The following ANKRD6 variants were observed in gnomAD, a reference collection of about 807,000 sequenced individuals.
ANKRD6 encodes ankyrin repeat domain-containing protein 6.
ANKRD6 carries 56 observed loss-of-function variants against 82.3 expected under a neutral mutation model. The observed-to-expected ratio is 0.68, with a 90% CI of 0.55 to 0.85. The LOEUF is 0.85. Among genes scored for constraint, ANKRD6 ranks in the 40% least tolerant of loss-of-function variants. ANKRD6 has a pLI of 0.00. For missense variants in ANKRD6, 852 were observed against 907.6 expected (o/e 0.94, Z 0.79); for synonymous variants, 347 against 352.1 (o/e 0.99, Z 0.16).
In ANKRD6 at chr6:89,613,877, A is replaced by G. The variant is rs1800842303; in HGVS notation, c.602A>G (p.His201Arg). ...RLLLTAFCSV[H>R]EKNQAGDTAL... is the part of the protein sequence containing the mutation. ...CTCCTCACTGCTTTCTGTTCTGTCC[A>G]TGAAAAGAACCAGGTCAGTGCATGT... Residue 201 changes from histidine to arginine, a missense_variant, in exon 7 of 16, where the codon CAT (histidine) becomes CGT (arginine). Coordinates refer to ENST00000339746, the MANE Select transcript of ANKRD6 (RefSeq NM_001242809.2). 3 of 1,613,962 alleles carry G rather than the reference A, an allele frequency of 1.9e-6. No individual in the cohort carries two copies. The highest frequency in any genetic ancestry group is 2.5e-6 in the Non-Finnish European group (3 of 1,179,862).
At chr6:89,479,747 T>A (rs1276806327) in intron 1 of ANKRD6, among the ~76,000 whole-genome samples, 1 of 151,942 alleles carries the variant, frequency 6.6e-6, no homozygotes, top group African/African-American at 2.4e-5. Context: ...ACATTAGGTA[T>A]ATCTCCTAAT....
intron 1 of ANKRD6, among the ~76,000 whole-genome samples, chr6:89,467,530 A>G (rs1774985323): frequency 6.6e-6 from 1 of 152,226 alleles, no homozygotes; most frequent in African/African-American, 2.4e-5. Flanking sequence ...CTTAACAGTC[A>G]GCCACAGGGT....
chr6:89,515,565 G>T (rs1338325968), intron 1 of ANKRD6, among the ~76,000 whole-genome samples: 1 of 152,186 alleles, frequency 6.6e-6, no homozygotes, highest in Non-Finnish European at 1.5e-5. Flanking sequence ...CAGAACCTGT[G>T]CATATTACCT....
intron 1 of ANKRD6, among the ~76,000 whole-genome samples, chr6:89,544,940 A>G (rs904915010): frequency 6.6e-6 from 1 of 151,852 alleles, no homozygotes; most frequent in Non-Finnish European, 1.5e-5. Context: ...CGGGCCAGGC[A>G]CGGTGGCTCA....
At chr6:89,541,640 C>T (rs1784463350) in intron 1 of ANKRD6, among the ~76,000 whole-genome samples, 1 of 151,770 alleles carries the variant, frequency 6.6e-6, no homozygotes, top group Admixed American at 6.6e-5. Context: ...GATCCGCCTG[C>T]CTCGGCCCCC....
intron 2 of ANKRD6, among the ~76,000 whole-genome samples, 151 bp downstream of exon 2, chr6:89,567,247 G>A (rs1562850489): frequency 2.0e-5 from 3 of 152,336 alleles, no homozygotes; most frequent in East Asian, 3.9e-4. Context: ...GGATTATTAA[G>A]AATGCTTTTG....
rs57427284 is a variant in ANKRD6, at chr6:89,442,910, A to T, written c.-144+9535A>T. Among the ~76,000 whole-genome samples, 567 of 152,312 alleles carry T rather than the reference A, an allele frequency of 3.7e-3. 3 individuals are homozygous for T. Among genetic ancestry groups the T allele is most frequent in the African/African-American group, 0.013 (540 of 41,562 alleles). The stretch of plus-strand genomic sequence containing the variant: ...AGATGCTGGACTCTCAGTTGATCTC[A>T]TTAGCACATGGAGGGACTAGAGGGG... On this transcript the variant is annotated intron_variant, in intron 1 of 15. Coordinates refer to ENST00000339746, the MANE Select transcript of ANKRD6 (RefSeq NM_001242809.2).
chr6:89,481,953 C>A (rs182928844), intron 1 of ANKRD6, among the ~76,000 whole-genome samples: 1 of 152,306 alleles, frequency 6.6e-6, no homozygotes, highest in Admixed American at 6.5e-5. Context: ...CAAAGCACCT[C>A]TTTTGATTCT....
chr6:89,557,063 T>G (rs1300228041), intron 1 of ANKRD6, among the ~76,000 whole-genome samples: 1 of 151,968 alleles, frequency 6.6e-6, no homozygotes, highest in Non-Finnish European at 1.5e-5. Context: ...GGGAAATAGA[T>G]AGCTAGATGA....
chr6:89,515,154 C>T (rs1001982357), intron 1 of ANKRD6, among the ~76,000 whole-genome samples: 1 of 152,088 alleles, frequency 6.6e-6, no homozygotes, highest in African/African-American at 2.4e-5. Context: ...TGAATTGATT[C>T]TGAGCTGGGC....
intron 6 of ANKRD6, 99 bp downstream of exon 6, chr6:89,612,469 A>G: frequency 8.0e-7 from 1 of 1,250,994 alleles, no homozygotes; most frequent in Non-Finnish European, 1.1e-6. Context: ...TAGAAATTAA[A>G]ATGTAAAAAG....
At chr6:89,611,196 T>G (rs901805611) in intron 5 of ANKRD6, among the ~76,000 whole-genome samples, 1 of 151,490 alleles carries the variant, frequency 6.6e-6, no homozygotes, top group Non-Finnish European at 1.5e-5. Flanking sequence ...AACTCATTTC[T>G]CTTTTTAAAA....
intron 1 of ANKRD6, among the ~76,000 whole-genome samples, chr6:89,519,842 G>A (rs1167611671): frequency 6.6e-6 from 1 of 152,180 alleles, no homozygotes; most frequent in African/African-American, 2.4e-5. Context: ...ATCTGTTAAA[G>A]AAAATAGTAG....
At position 89,480,517 on chromosome 6, in the gene ANKRD6, A is replaced by G. The variant is rs1381521468; in HGVS notation, c.-144+47142A>G. Among the ~76,000 whole-genome samples the G allele has an allele frequency of 4.6e-5, 7 of 151,130 alleles. No individual in the cohort carries two copies. The East Asian group carries it at 1.2e-3, about 25-fold the overall frequency. ...GTAATAAACATCAAGGGCTACTTATATATTTTGTATATTTTTTATATATTT... is the reference window on the plus strand; with the variant it reads ...GTAATAAACATCAAGGGCTACTTATGTATTTTGTATATTTTTTATATATTT... On this transcript the variant is annotated intron_variant, in intron 1 of 15. Transcript: ENST00000339746.
At chr6:89,598,081 C>T in intron 3 of ANKRD6, 4 of 983,550 alleles carry the variant, frequency 4.1e-6, no homozygotes, top group Non-Finnish European at 4.8e-6. Flanking sequence ...CTCCTAACTT[C>T]ATATTCTACA....
chr6:89,581,783 T>C (rs1792590258), intron 2 of ANKRD6: 1 of 152,302 alleles, frequency 6.6e-6, no homozygotes, highest in South Asian at 2.1e-4. Flanking sequence ...TCTTTTGTTC[T>C]GACCCCAAGT....
intron 1 of ANKRD6, among the ~76,000 whole-genome samples, chr6:89,489,643 T>C (rs189114875): frequency 2.5e-4 from 38 of 152,324 alleles, no homozygotes; most frequent in Non-Finnish European, 4.3e-4. Context: ...AGGTAATATA[T>C]AATGGGGATT....
At chr6:89,566,616 G>C (rs900647288) in intron 1 of ANKRD6, among the ~76,000 whole-genome samples, 7 of 152,240 alleles carry the variant, frequency 4.6e-5, no homozygotes, top group African/African-American at 1.4e-4. Flanking sequence ...CCTGATAGGG[G>C]AAGAAGGGAG....
At chr6:89,514,390 T>G (rs1482454905) in intron 1 of ANKRD6, among the ~76,000 whole-genome samples, 1 of 151,852 alleles carries the variant, frequency 6.6e-6, no homozygotes, top group African/African-American at 2.4e-5. Flanking sequence ...AAAAAAAAAT[T>G]TTTTTGGAGT....
Sources: allele counts gnomAD v4.1 joint callset (sites outside exome capture counted in the v4.1 genomes callset), GRCh38; gene constraint gnomAD v4.1.1; transcripts MANE v1.5; gene names NCBI Gene and HGNC (gene_info 2026-07-23, HGNC 2026-07-21).